BCAR3: variants seen among roughly 807,000 people sequenced by gnomAD.
The protein encoded by BCAR3 is BCAR3 adaptor protein, NSP family member.
Under a neutral mutation model 80.1 loss-of-function variants are expected in BCAR3, and 37 were observed. The observed-to-expected ratio is 0.46, with a 90% confidence interval of 0.36 to 0.61. The LOEUF is 0.61. Ranked by LOEUF, BCAR3 falls within the 20% of genes least tolerant of loss-of-function variation. The pLI is 0.00. For missense variants in BCAR3, 978 were observed against 1,068.2 expected (o/e 0.92, Z 1.18); for synonymous variants, 389 against 418.9 (o/e 0.93, Z 0.87).
intron 2 of BCAR3, among the ~76,000 whole-genome samples, chr1:93,713,829 T>C (rs1650106310): frequency 6.6e-6 from 1 of 152,234 alleles, no homozygotes; most frequent in Admixed American, 6.5e-5. Context: ...TAAATTTCTA[T>C]TTGAAAATTA....
At chr1:93,712,433 G>A (rs1015321761) in intron 2 of BCAR3, among the ~76,000 whole-genome samples, 1 of 152,206 alleles carries the variant, frequency 6.6e-6, no homozygotes, top group Non-Finnish European at 1.5e-5. Flanking sequence ...TAATCCAGAG[G>A]ACGTTCACCT....
intron 2 of BCAR3, among the ~76,000 whole-genome samples, chr1:93,813,819 C>T (rs1188879155): frequency 6.6e-6 from 1 of 152,138 alleles, no homozygotes; most frequent in African/African-American, 2.4e-5. Context: ...TTTTGTATTG[C>T]TTTTTTCTCA....
intron 4 of BCAR3, chr1:93,590,486 A>T (rs1288090101): frequency 2.0e-5 from 3 of 152,268 alleles, no homozygotes; most frequent in African/African-American, 7.2e-5. Flanking sequence ...GTGTTCAGTT[A>T]TCCAGTTTGG....
intron 2 of BCAR3, among the ~76,000 whole-genome samples, chr1:93,820,924 C>T (rs1654196382): frequency 7.6e-6 from 1 of 132,366 alleles, no homozygotes; most frequent in Admixed American, 8.3e-5. Flanking sequence ...CATCTTATCT[C>T]TCCAGAAATT....
At chr1:93,685,799 A>G (rs1353132315), upstream of BCAR3, among the ~76,000 whole-genome samples, 1 of 152,204 alleles carries the variant, frequency 6.6e-6, no homozygotes, top group Non-Finnish European at 1.5e-5. Context: ...TGTTATTAAT[A>G]ACCCCTTCAA....
intron 2 of BCAR3, among the ~76,000 whole-genome samples, chr1:93,757,268 C>A (rs1651779633): frequency 6.6e-6 from 1 of 152,180 alleles, no homozygotes; most frequent in Non-Finnish European, 1.5e-5. Flanking sequence ...TGGGCCAGGC[C>A]TACCTGATGA....
intron 2 of BCAR3, among the ~76,000 whole-genome samples, chr1:93,817,019 A>C (rs765121193): frequency 1.6e-4 from 24 of 151,986 alleles, no homozygotes; most frequent in Non-Finnish European, 3.2e-4. Context: ...CTCTGTCCTG[A>C]GCTTGGGAGG....
At chr1:93,686,845 G>T (rs1189517021) in intron 3 of BCAR3, among the ~76,000 whole-genome samples, 3 of 152,150 alleles carry the variant, frequency 2.0e-5, no homozygotes, top group Admixed American at 1.3e-4. Flanking sequence ...GTGTCTTTGT[G>T]AGTCAAAGAG....
chr1:93,744,673 A>G (rs942315201), intron 2 of BCAR3, among the ~76,000 whole-genome samples: 3 of 152,146 alleles, frequency 2.0e-5, no homozygotes, highest in African/African-American at 4.8e-5. Context: ...TCGATCATAA[A>G]GGGGACCAAG....
At chr1:93,576,168 G>A in intron 7 of BCAR3, 39 bp from the exon 8 acceptor site, 1 of 1,513,534 alleles carries the variant, frequency 6.6e-7, no homozygotes, top group Non-Finnish European at 9.2e-7. Context: ...GGATCAGGAA[G>A]TGGGCTTGCC....
At chr1:93,634,418 G>A (rs959196975) in intron 3 of BCAR3, among the ~76,000 whole-genome samples, 5 of 152,236 alleles carry the variant, frequency 3.3e-5, no homozygotes, top group East Asian at 1.9e-4. Context: ...TTGGCTGGGC[G>A]CAGTGGCTCA....
At chr1:93,815,995 A>G (rs1022699760) in intron 2 of BCAR3, among the ~76,000 whole-genome samples, 24 of 152,314 alleles carry the variant, frequency 1.6e-4, no homozygotes, top group African/African-American at 5.5e-4. Context: ...ATGTGAATGG[A>G]ACATTCACAA....
Position 93,807,031 on chromosome 1 carries a change from G to A in BCAR3, c.-63+38536C>T, listed in dbSNP as rs546410698. Among the ~76,000 whole-genome samples, 3 of 152,120 alleles carry A rather than the reference G, an allele frequency of 2.0e-5. No homozygotes were observed. The East Asian group carries it at 5.8e-4, about 29-fold the overall frequency. Reference sequence around the variant, plus strand: ...TAGGTGGGAAGATTGCTTGAGCCCAGGATATCAAGGCTGCAGTGAGAGGAG... The same window carrying A: ...TAGGTGGGAAGATTGCTTGAGCCCAAGATATCAAGGCTGCAGTGAGAGGAG... On this transcript the variant is annotated intron_variant, in intron 2 of 13. Coordinates refer to the BCAR3 transcript ENST00000370244.
intron 2 of BCAR3, among the ~76,000 whole-genome samples, chr1:93,819,270 T>C (rs554150855): frequency 6.5e-4 from 99 of 152,332 alleles, no homozygotes; most frequent in African/African-American, 2.3e-3. Context: ...TTCACCACGT[T>C]GGCCAGGATG....
Position 93,589,405 on chromosome 1 carries a change from A to G in BCAR3, c.501T>C (p.Leu167=). The part of the protein sequence containing the change: ...GRIPRQVSEN[L]VQRDGDFLVR... ...CTAGGAAGTCACCATCTCGCTGCAC[A>G]AGGTTTTCAGACACCTTTGGGACAA... The change falls in exon 5 of 12, where the codon CTT becomes CTC. Residue 167 remains leucine (L), a synonymous_variant. Coordinates refer to ENST00000260502, the MANE Select transcript of BCAR3 (RefSeq NM_003567.4). 1.9e-6 allele frequency: 3 copies of G among 1,611,232 alleles called. No individual in the cohort carries two copies. Among genetic ancestry groups the G allele is most frequent in the Non-Finnish European group, 2.5e-6 (3 of 1,179,788 alleles).
At chr1:93,635,985 A>G (rs1470827655) in intron 3 of BCAR3, among the ~76,000 whole-genome samples, 2 of 152,158 alleles carry the variant, frequency 1.3e-5, no homozygotes, top group Non-Finnish European at 2.9e-5. Context: ...TTCTCCACTG[A>G]GGTCTCCGGC....
intron 9 of BCAR3, among the ~76,000 whole-genome samples, chr1:93,568,886 G>T (rs536617161): frequency 3.9e-5 from 6 of 152,122 alleles, no homozygotes; most frequent in Non-Finnish European, 8.8e-5. Context: ...GCAGTGGTGC[G>T]ATCACAGCTC....
chr1:93,833,350 T>TG, intron 2 of BCAR3, among the ~76,000 whole-genome samples: 1 of 152,280 alleles, frequency 6.6e-6, no homozygotes, highest in Non-Finnish European at 1.5e-5. Context: ...GAATCACTAA[T>TG]GAAGTTCCAT....
rs1653142407 is a variant in BCAR3 at position 93,791,209 on chromosome 1, G to C, written c.-63+54358C>G. On this transcript the variant is annotated intron_variant, in intron 2 of 13. Transcript: ENST00000370244. ...GGGTCAAATGGTATTTCTAGTTCTAGATCCCTGAGGAATCGCCACACTGAC... is the reference window on the plus strand; with the variant it reads ...GGGTCAAATGGTATTTCTAGTTCTACATCCCTGAGGAATCGCCACACTGAC... Among the ~76,000 whole-genome samples, 2 of 75,280 alleles carry C rather than the reference G, an allele frequency of 2.7e-5. 1 individual carries two copies. The highest frequency in any genetic ancestry group is 2.9e-4 in the Admixed American group (2 of 6,830). The allele number at this position is 75,280 out of a possible 152,430, so 49.4% of individuals were successfully genotyped here. A position where few individuals can be genotyped will look rare whatever the true frequency, so the allele number is the denominator to read the frequency against.
Sources: gnomAD v4.1 joint callset for allele counts (sites outside exome capture counted in the v4.1 genomes callset) on GRCh38, gnomAD v4.1.1 for gene constraint, MANE v1.5 for transcripts, NCBI Gene and HGNC (gene_info 2026-07-23, HGNC 2026-07-21) for gene names.